The following TSPAN9 variants were observed in gnomAD, a reference collection of about 807,000 sequenced individuals.
TSPAN9 encodes the protein tetraspanin-9.
In TSPAN9, 16 loss-of-function variants were observed where a neutral mutation model predicts 31.0. The observed-to-expected ratio is 0.52, with a 90% CI of 0.35 to 0.78. The LOEUF (loss-of-function observed/expected upper bound fraction) is 0.78, where lower values mean the gene tolerates loss of function less well. TSPAN9 is among the 30% of genes least tolerant of loss of function. The pLI is 0.01. For missense variants in TSPAN9, 272 were observed against 312.5 expected, an observed-to-expected ratio of 0.87 and a Z score of 0.98; for synonymous variants, 145 against 121.6, an observed-to-expected ratio of 1.19 and a Z score of -1.27.
chr12:3,078,908 G>A (rs772522529), intron 1 of TSPAN9, among the ~76,000 whole-genome samples: 1 of 151,716 alleles, frequency 6.6e-6, no homozygotes, highest in Admixed American at 6.6e-5. Context: ...AGTTGGCCAA[G>A]TTTTTTCTAT....
At chr12:3,084,281 C>T (rs1030787194) in intron 2 of TSPAN9, 2 of 152,492 alleles carry the variant, frequency 1.3e-5, no homozygotes, top group African/African-American at 4.8e-5. Context: ...AGACTACAGA[C>T]CAGGCAGCCA....
At chr12:3,106,575 C>T (rs2098314787) in intron 2 of TSPAN9, among the ~76,000 whole-genome samples, 1 of 152,078 alleles carries the variant, frequency 6.6e-6, no homozygotes, top group Non-Finnish European at 1.5e-5. Context: ...TTTGAGTTCA[C>T]CCTCAGCAAC....
At chr12:3,248,727 T>G (rs1258903752) in intron 3 of TSPAN9, among the ~76,000 whole-genome samples, 1 of 152,180 alleles carries the variant, frequency 6.6e-6, no homozygotes, top group Admixed American at 6.5e-5. Flanking sequence ...AGAATTTGAC[T>G]TTGAGGTCAC....
intron 3 of TSPAN9, among the ~76,000 whole-genome samples, chr12:3,209,814 C>T (rs577115647): frequency 5.3e-4 from 81 of 152,150 alleles, no homozygotes; most frequent in South Asian, 2.9e-3. Flanking sequence ...AAAAAATTAG[C>T]CGGGCGCGGT....
chr12:3,267,825 G>C (rs3782770), intron 3 of TSPAN9, among the ~76,000 whole-genome samples: 2 of 152,264 alleles, frequency 1.3e-5, no homozygotes, highest in East Asian at 3.9e-4. Flanking sequence ...CTGGGCAGCC[G>C]TGGCTCTGGG....
chr12:3,257,417 C>T (rs1862367279), intron 3 of TSPAN9, among the ~76,000 whole-genome samples: 1 of 152,002 alleles, frequency 6.6e-6, no homozygotes, highest in African/African-American at 2.4e-5. Flanking sequence ...CTTGGAACCT[C>T]TTCTTTCCAG....
At position 3,179,127 on chromosome 12, in the gene TSPAN9, G is replaced by A. The variant is rs1002485386; in HGVS notation, c.-17-22050G>A. ...CTATCAGGAGCTGGAAATAGGCTGC[G>A]GGGCCCGGCCGAGAGGGCTCATTGT... On this transcript the variant is annotated intron_variant, in intron 2 of 8. Transcript: ENST00000011898. Among the ~76,000 whole-genome samples, 9 of 152,278 alleles carry A rather than the reference G, an allele frequency of 5.9e-5. No homozygotes were observed. In the East Asian group the frequency reaches 1.7e-3, roughly 29 times the overall value.
At chr12:3,078,950 T>C (rs1382052791) in intron 1 of TSPAN9, among the ~76,000 whole-genome samples, 2 of 151,730 alleles carry the variant, frequency 1.3e-5, no homozygotes, top group South Asian at 4.2e-4. Flanking sequence ...TAATTTTATT[T>C]AATTCATACG....
chr12:3,103,049 C>T (rs1331784597), intron 2 of TSPAN9, among the ~76,000 whole-genome samples: 1 of 152,190 alleles, frequency 6.6e-6, no homozygotes, highest in African/African-American at 2.4e-5. Flanking sequence ...CCAGCTGGCT[C>T]CCTTGGGGGA....
intron 3 of TSPAN9, among the ~76,000 whole-genome samples, chr12:3,268,004 C>G (rs1036642482): frequency 3.9e-5 from 6 of 152,206 alleles, no homozygotes; most frequent in African/African-American, 1.4e-4. Context: ...GTCGAAGGGT[C>G]CTCCTCACCC....
At chr12:3,124,502 G>T (rs1040150527) in intron 2 of TSPAN9, among the ~76,000 whole-genome samples, 9 of 151,656 alleles carry the variant, frequency 5.9e-5, no homozygotes, top group Non-Finnish European at 1.3e-4. Flanking sequence ...TGATCTCGTG[G>T]GTTCAAGCAA....
intron 2 of TSPAN9, among the ~76,000 whole-genome samples, chr12:3,163,072 C>G (rs59118579): frequency 0.028 from 4,205 of 152,292 alleles, 192 homozygotes; most frequent in African/African-American, 0.096. Flanking sequence ...TCCCTGGCTG[C>G]GGTCCACACA....
chr12:3,270,165 T>C (rs1018765759), intron 3 of TSPAN9, among the ~76,000 whole-genome samples: 1 of 152,152 alleles, frequency 6.6e-6, no homozygotes, highest in African/African-American at 2.4e-5. Context: ...CAGTTCCCCA[T>C]GGAGGAAGAA....
chr12:3,283,329 C>G lies in TSPAN9; in HGVS notation c.*213C>G, dbSNP rs1262085624. 1 of 543,394 alleles carries G rather than the reference C, an allele frequency of 1.8e-6. No homozygotes were observed. The highest frequency in any genetic ancestry group is 3.2e-6 in the Non-Finnish European group (1 of 310,818). The allele number at this position is 543,394 out of a possible 1,614,324, so 33.7% of individuals were successfully genotyped here. ...CACGGAGACCTGGGGCTCGGGGCCCCTGGATTCCTGCATCTGCATATGCGT... is the reference window on the plus strand; with the variant it reads ...CACGGAGACCTGGGGCTCGGGGCCCGTGGATTCCTGCATCTGCATATGCGT... On this transcript the variant is annotated 3_prime_UTR_variant, in exon 9 of 9. Transcript: ENST00000011898.
intron 3 of TSPAN9, among the ~76,000 whole-genome samples, chr12:3,261,434 A>C (rs1862446174): frequency 6.6e-6 from 1 of 152,202 alleles, no homozygotes; most frequent in Non-Finnish European, 1.5e-5. Context: ...TAGAGCTGGG[A>C]TTCAGAACCT....
chr12:3,281,046 G>A, intron 6 of TSPAN9, 152 bp from the exon 7 acceptor site: 1 of 1,296,718 alleles, frequency 7.7e-7, no homozygotes, highest in South Asian at 1.5e-5. Flanking sequence ...GAAGCCCAAA[G>A]AAGGGACAAG....
chr12:3,203,722 T>C (rs2098373327), intron 3 of TSPAN9, among the ~76,000 whole-genome samples: 1 of 152,140 alleles, frequency 6.6e-6, no homozygotes. Flanking sequence ...GCAAATGAGA[T>C]GATTAAATAA....
At chr12:3,108,151 CT>C (rs1246507940) in intron 2 of TSPAN9, among the ~76,000 whole-genome samples, 2 of 152,206 alleles carry the variant, frequency 1.3e-5, no homozygotes, top group Non-Finnish European at 2.9e-5. Context: ...ACAGTCTCTC[CT>C]CCAGAGTCTG....
chr12:3,231,575 T>C (rs1481404369), intron 3 of TSPAN9, among the ~76,000 whole-genome samples: 2 of 151,922 alleles, frequency 1.3e-5, no homozygotes, highest in Non-Finnish European at 2.9e-5. Flanking sequence ...CCTAAAGAGG[T>C]CAACCTCAAG....
Sources: gnomAD v4.1 joint callset for allele counts (sites outside exome capture counted in the v4.1 genomes callset) on GRCh38, gnomAD v4.1.1 for gene constraint, MANE v1.5 for transcripts, NCBI Gene and HGNC (gene_info 2026-07-23, HGNC 2026-07-21) for gene names.